Variants in CTNNA3 observed in about 807,000 individuals in gnomAD.
CTNNA3 encodes catenin alpha-3.
A neutral mutation model predicts 95.7 loss-of-function variants in CTNNA3; 76 were observed. That is an observed-to-expected ratio of 0.79 (90% CI 0.66 to 0.96). CTNNA3 has a LOEUF of 0.96. Ranked by LOEUF, CTNNA3 falls within the 40% of genes least tolerant of loss-of-function variation. The pLI is 0.00. For missense variants in CTNNA3, 1,191 were observed against 1,089.8 expected (o/e 1.09, Z -1.31); for synonymous variants, 431 against 374.4 (o/e 1.15, Z -1.74).
intron 5 of CTNNA3, among the ~76,000 whole-genome samples, chr10:67,319,236 G>A (rs539810585): frequency 6.6e-6 from 1 of 152,186 alleles, no homozygotes; most frequent in African/African-American, 2.4e-5. Context: ...AAAGAAGTGT[G>A]TAACTTAGTC....
chr10:66,198,108 C>T (rs1042951514), intron 13 of CTNNA3, among the ~76,000 whole-genome samples: 3 of 152,076 alleles, frequency 2.0e-5, no homozygotes, highest in Non-Finnish European at 2.9e-5. Context: ...TACTATCTCC[C>T]TTTTTGTTTC....
At chr10:67,158,502 A>C (rs1861403033) in intron 7 of CTNNA3, among the ~76,000 whole-genome samples, 1 of 152,210 alleles carries the variant, frequency 6.6e-6, no homozygotes, top group Non-Finnish European at 1.5e-5. Context: ...GCTGAAAGAG[A>C]GGTCTATAAG....
chr10:67,106,219 C>T (rs1329989106), intron 7 of CTNNA3, among the ~76,000 whole-genome samples: 1 of 152,134 alleles, frequency 6.6e-6, no homozygotes, highest in Non-Finnish European at 1.5e-5. Context: ...AACAGATAAA[C>T]ATTTTATGTA....
chr10:66,163,202 C>A lies in CTNNA3; in HGVS notation c.1885-59953G>T, dbSNP rs370369724. On this transcript the variant is annotated intron_variant, in intron 13 of 17. Coordinates refer to ENST00000433211, the MANE Select transcript of CTNNA3 (RefSeq NM_013266.4). ...GTGGAGTCTGCACACAGGATTTGCACCCTCTCCCCATTTCTGGCCAGGAGG... is the reference window on the plus strand; with the variant it reads ...GTGGAGTCTGCACACAGGATTTGCAACCTCTCCCCATTTCTGGCCAGGAGG... Among the ~76,000 whole-genome samples the A allele has an allele frequency of 6.5e-4, 99 of 152,176 alleles. 1 individual carries two copies. In the East Asian group the frequency reaches 0.016, roughly 24 times the overall value.
chr10:66,189,995 G>A (rs2086584171), intron 13 of CTNNA3, among the ~76,000 whole-genome samples: 1 of 151,894 alleles, frequency 6.6e-6, no homozygotes, highest in South Asian at 2.1e-4. Context: ...AAGAGAAAAA[G>A]GAAAATAATT....
chr10:66,711,631 C>T (rs1350697371), intron 9 of CTNNA3, among the ~76,000 whole-genome samples: 1 of 152,016 alleles, frequency 6.6e-6, no homozygotes, highest in Non-Finnish European at 1.5e-5. Context: ...TCACTGCAAA[C>T]TTCACCTCCC....
At chr10:67,478,677 ATACT>A (rs1276408238) in intron 5 of CTNNA3, among the ~76,000 whole-genome samples, 1 of 152,142 alleles carries the variant, frequency 6.6e-6, no homozygotes, top group Non-Finnish European at 1.5e-5. Context: ...CCACAAAAAC[ATACT>A]TAAATAAATA....
chr10:67,062,098 TTA>T (rs879524685), intron 7 of CTNNA3, among the ~76,000 whole-genome samples: 13 of 152,094 alleles, frequency 8.5e-5, no homozygotes, highest in African/African-American at 3.1e-4. Flanking sequence ...ATGAACCACT[TTA>T]TATATATATA....
chr10:66,164,504 G>C (rs761036018), intron 13 of CTNNA3, among the ~76,000 whole-genome samples: 2 of 151,520 alleles, frequency 1.3e-5, no homozygotes, highest in Non-Finnish European at 2.9e-5. Context: ...CATGGAATTG[G>C]ACATATGGAC....
intron 10 of CTNNA3, among the ~76,000 whole-genome samples, chr10:66,524,739 C>A (rs763725546): frequency 3.4e-4 from 51 of 151,916 alleles, no homozygotes; most frequent in Non-Finnish European, 6.3e-4. Context: ...ATAGACTGAA[C>A]CTATAATGTT....
intron 13 of CTNNA3, among the ~76,000 whole-genome samples, chr10:66,105,760 T>C (rs919565652): frequency 1.3e-5 from 2 of 152,226 alleles, no homozygotes; most frequent in Non-Finnish European, 1.5e-5. Flanking sequence ...AGTGGGGAAG[T>C]GTTCAAAACA....
At chr10:66,646,954 T>C (rs955578682) in intron 9 of CTNNA3, among the ~76,000 whole-genome samples, 2 of 152,056 alleles carry the variant, frequency 1.3e-5, no homozygotes, top group African/African-American at 4.8e-5. Context: ...TGACCTCTTA[T>C]TCTGACACTT....
intron 12 of CTNNA3, among the ~76,000 whole-genome samples, chr10:66,333,629 G>A (rs1388594383): frequency 2.0e-5 from 3 of 151,954 alleles, no homozygotes; most frequent in Non-Finnish European, 4.4e-5. Context: ...TACATTTGCT[G>A]AGGAGTGCTT....
chr10:66,982,880 G>A (rs7092716), intron 7 of CTNNA3, among the ~76,000 whole-genome samples: 24,931 of 152,136 alleles, frequency 0.16, 2,188 homozygotes, highest in Middle Eastern at 0.22. Flanking sequence ...CTGGTAGGAA[G>A]AAGGGGAGAA....
At chr10:67,332,526 C>G (rs887822860) in intron 5 of CTNNA3, among the ~76,000 whole-genome samples, 1 of 152,082 alleles carries the variant, frequency 6.6e-6, no homozygotes, top group Non-Finnish European at 1.5e-5. Context: ...TTTAAATAAG[C>G]AGGAGGTTCA....
At chr10:67,471,488 C>T (rs1259198617) in intron 5 of CTNNA3, among the ~76,000 whole-genome samples, 4 of 152,280 alleles carry the variant, frequency 2.6e-5, no homozygotes, top group Admixed American at 6.5e-5. Flanking sequence ...TTTTACTTTA[C>T]GGATTCAGTA....
At chr10:66,611,383 T>C (rs1428551301) in intron 10 of CTNNA3, among the ~76,000 whole-genome samples, 1 of 152,070 alleles carries the variant, frequency 6.6e-6, no homozygotes, top group Non-Finnish European at 1.5e-5. Context: ...CCAAATATCA[T>C]ATGTACCCCC....
At chr10:67,407,064 T>C (rs1845164617) in intron 5 of CTNNA3, among the ~76,000 whole-genome samples, 1 of 152,102 alleles carries the variant, frequency 6.6e-6, no homozygotes, top group African/African-American at 2.4e-5. Context: ...CATAACCCAT[T>C]CTATGAGGCC....
chr10:66,525,375 A>C lies in CTNNA3; in HGVS notation c.1375-4602T>G, dbSNP rs34325471. 2.2e-3 allele frequency among the ~76,000 whole-genome samples: 341 copies of C among 152,242 alleles called. 1 individual carries two copies. The highest frequency in any genetic ancestry group is 6.0e-3 in the Admixed American group (91 of 15,280). On this transcript the variant is annotated intron_variant, in intron 10 of 17. Coordinates refer to ENST00000433211, the MANE Select transcript of CTNNA3 (RefSeq NM_013266.4). The stretch of plus-strand genomic sequence containing the variant: ...TTCTACATATTCACCTAATTTTTTT[A>C]ACCTAATTTTTACACCACAATGAGG...
Sources: allele counts gnomAD v4.1 joint callset (sites outside exome capture counted in the v4.1 genomes callset), GRCh38; gene constraint gnomAD v4.1.1; transcripts MANE v1.5; gene names NCBI Gene and HGNC (gene_info 2026-07-23, HGNC 2026-07-21).